TCERG1: variants seen among roughly 807,000 people sequenced by gnomAD.
TCERG1 encodes the protein TATA box binding protein (TBP)-associated factor, RNA polymerase II, S, 150kD.
Under a neutral mutation model 144.7 loss-of-function variants are expected in TCERG1, and 37 were observed. The observed-to-expected ratio is 0.26, with a 90% CI of 0.20 to 0.34. The LOEUF (loss-of-function observed/expected upper bound fraction) is 0.34, where lower values mean the gene tolerates loss of function less well. Among genes scored for constraint, TCERG1 ranks in the 10% least tolerant of loss-of-function variants. The pLI is 1.00. For synonymous variants in TCERG1, 492 were observed against 458.2 expected, an observed-to-expected ratio of 1.07 and a Z score of -0.94; for missense variants, 1,027 against 1,380.7, an observed-to-expected ratio of 0.74 and a Z score of 4.06.
At chr5:146,503,168 A>G (rs938019093) in intron 17 of TCERG1, 6 of 347,108 alleles carry the variant, frequency 1.7e-5, no homozygotes, top group African/African-American at 8.2e-5. Flanking sequence ...ATGAAAGCCT[A>G]TATGCTTGTC....
chr5:146,467,421 C>G (rs1026934229), intron 5 of TCERG1, among the ~76,000 whole-genome samples: 1 of 152,012 alleles, frequency 6.6e-6, no homozygotes, highest in African/African-American at 2.4e-5. Context: ...TTGGCCTTTT[C>G]CTCTAAAAGT....
intron 3 of TCERG1, 65 bp from the exon 4 acceptor site, chr5:146,458,819 C>A: frequency 6.5e-7 from 1 of 1,534,406 alleles, no homozygotes; most frequent in South Asian, 1.3e-5. Flanking sequence ...AAATATGGTT[C>A]CATTCTTGTT....
Position 146,507,722 on chromosome 5 carries a change from G to A in TCERG1, c.2962-151G>A, listed in dbSNP as rs888347964. ...GCCAACAAAAAGAAATTGCATTAAC[G>A]CTGCTTCCCTGTCCCTAACTAGTCC... On this transcript the variant is annotated intron_variant, in intron 20 of 22. Transcript: ENST00000679501. This position sits in a 1 kb window ranked among gnomAD's most constrained non-coding sequence, Gnocchi z 4.6. 4.1e-6 allele frequency: 2 copies of A among 491,624 alleles called. No homozygotes were observed. The highest frequency in any genetic ancestry group is 4.2e-5 in the South Asian group (1 of 23,800). The allele number at this position is 491,624 out of a possible 1,614,324, so 30.5% of individuals were successfully genotyped here.
intron 16 of TCERG1, among the ~76,000 whole-genome samples, chr5:146,493,587 A>T (rs1201572830): frequency 6.6e-6 from 1 of 152,124 alleles, no homozygotes; most frequent in African/African-American, 2.4e-5. Context: ...ACATATATGT[A>T]TGCATTTATA....
At chr5:146,489,891 T>G (rs2150678741) in intron 15 of TCERG1, among the ~76,000 whole-genome samples, 1 of 152,244 alleles carries the variant, frequency 6.6e-6, no homozygotes, top group African/African-American at 2.4e-5. Context: ...TAGGAGCAAC[T>G]TGGAAGCATA....
chr5:146,452,675 C>T (rs1003097306), intron 1 of TCERG1, among the ~76,000 whole-genome samples: 1 of 152,164 alleles, frequency 6.6e-6, no homozygotes, highest in Non-Finnish European at 1.5e-5. Context: ...CTGCAACCTC[C>T]ACTTCCCAGG....
chr5:146,481,181 G>C lies in TCERG1; in HGVS notation c.1918G>C (p.Ala640Pro), dbSNP rs1014495135. ...GTCAAAGAAGTCCTTTATGTGGATT[G>C]CCCGAGCTTCTCTATTTAGGTACAA... Reference protein sequence around the residue: ...RMSKKSFMWIARASLFRRDDN... With the variant: ...RMSKKSFMWIPRASLFRRDDN... The change falls in exon 13 of 23, where the codon GCC becomes CCC. Residue 640 changes from alanine (A) to proline (P), a missense_variant. Transcript: ENST00000679501. The C allele has an allele frequency of 1.0e-6, 1 of 985,222 alleles. No homozygotes were observed. The highest frequency in any genetic ancestry group is 1.2e-6 in the Non-Finnish European group (1 of 829,868). 61.0% of individuals were successfully genotyped at this position (985,222 alleles called of 1,614,324 possible). A position where few individuals can be genotyped will look rare whatever the true frequency, so the allele number is the denominator to read the frequency against.
chr5:146,468,301 T>C, intron 5 of TCERG1, 40 bp from the exon 6 acceptor site: 2 of 1,497,320 alleles, frequency 1.3e-6, no homozygotes, highest in Non-Finnish European at 1.8e-6. Flanking sequence ...CGACATACAA[T>C]GGCAGCTTTC....
At position 146,485,749 on chromosome 5, in the gene TCERG1, A is replaced by G. The variant is rs540821838; in HGVS notation, c.2163+2120A>G. Among the ~76,000 whole-genome samples the G allele has an allele frequency of 3.4e-4, 52 of 152,302 alleles. 1 individual carries two copies. Among genetic ancestry groups the G allele is most frequent in the African/African-American group, 1.2e-3 (49 of 41,578 alleles). On this transcript the variant is annotated intron_variant, in intron 15 of 22. Transcript: ENST00000679501. ...TGCTCTGTTGCCCAGACTGGAGTGC[A>G]GTGGCGCCATCTCATCTTACTGCAG... is the stretch of plus-strand genomic sequence containing the variant.
chr5:146,491,476 A>G (rs1766414965), intron 15 of TCERG1, among the ~76,000 whole-genome samples: 1 of 152,088 alleles, frequency 6.6e-6, no homozygotes, highest in South Asian at 2.1e-4. Flanking sequence ...CACTGTGCCA[A>G]GGTTGAGAAA....
chr5:146,456,533 A>AC (rs1158930804), intron 2 of TCERG1, among the ~76,000 whole-genome samples: 2 of 152,204 alleles, frequency 1.3e-5, no homozygotes, highest in Admixed American at 6.5e-5. Flanking sequence ...ATTTTATATA[A>AC]CCTAGATCTG....
chr5:146,456,960 A>G (rs2150234885), intron 2 of TCERG1, among the ~76,000 whole-genome samples: 1 of 152,328 alleles, frequency 6.6e-6, no homozygotes, highest in Admixed American at 6.5e-5. Context: ...ATTCACTGAC[A>G]GTGTTATAAC....
intron 17 of TCERG1, among the ~76,000 whole-genome samples, chr5:146,500,872 G>A (rs754882276): frequency 1.5e-4 from 23 of 152,080 alleles, no homozygotes; most frequent in Admixed American, 2.6e-4. Context: ...GCTGGTTGTA[G>A]TGATGTGCTT....
At chr5:146,449,186 T>G (rs1241545954) in intron 1 of TCERG1, among the ~76,000 whole-genome samples, 1 of 152,226 alleles carries the variant, frequency 6.6e-6, no homozygotes, top group African/African-American at 2.4e-5. Context: ...TACTTCATGG[T>G]GTGTCTGTCA....
intron 4 of TCERG1, 37 bp downstream of exon 4, chr5:146,459,374 T>C (rs1018383550): frequency 5.7e-6 from 9 of 1,592,206 alleles, no homozygotes; most frequent in East Asian, 2.2e-5. Context: ...ATATAGGGGC[T>C]AGAGACATGA....
chr5:146,508,559 G>A (rs543513987), intron 21 of TCERG1, among the ~76,000 whole-genome samples: 72 of 152,272 alleles, frequency 4.7e-4, no homozygotes, highest in African/African-American at 1.7e-3. Flanking sequence ...ATGCATGACT[G>A]GGAAAGAGGG....
intron 16 of TCERG1, 96 bp from the exon 17 acceptor site, chr5:146,498,440 G>T: frequency 1.5e-6 from 2 of 1,347,218 alleles, no homozygotes; most frequent in Non-Finnish European, 1.0e-6. Context: ...GTGTCTCTTT[G>T]TCATATACTC....
intron 15 of TCERG1, among the ~76,000 whole-genome samples, chr5:146,487,873 A>G (rs1050809642): frequency 6.6e-6 from 1 of 150,580 alleles, no homozygotes; most frequent in Non-Finnish European, 1.5e-5. Flanking sequence ...GTAGTAACTA[A>G]AACAGTACGG....
intron 12 of TCERG1, chr5:146,480,398 A>G (rs1472475858): frequency 4.9e-6 from 1 of 204,308 alleles, no homozygotes; most frequent in Non-Finnish European, 1.0e-5. Context: ...TCCCTCATTT[A>G]GACCCCAATG....
Sources: gnomAD v4.1 joint callset for allele counts (sites outside exome capture counted in the v4.1 genomes callset) on GRCh38, gnomAD v4.1.1 for gene constraint, Gnocchi (gnomAD v3.1) non-coding constraint, MANE v1.5 for transcripts, NCBI Gene and HGNC (gene_info 2026-07-23, HGNC 2026-07-21) for gene names.